The following LMCD1 variants were observed in gnomAD, a reference collection of about 807,000 sequenced individuals.
LMCD1 encodes the protein LIM and cysteine-rich domains protein 1.
Under a neutral mutation model 42.7 loss-of-function variants are expected in LMCD1, and 32 were observed. The ratio of observed to expected loss-of-function variants is 0.75; its 90% CI spans 0.57 to 1.01. The LOEUF is 1.01. Ranked by LOEUF, LMCD1 falls within the 50% of genes least tolerant of loss-of-function variation. The pLI is 0.00. For missense variants in LMCD1, 458 were observed against 483.1 expected, an observed-to-expected ratio of 0.95 and a Z score of 0.49; for synonymous variants, 178 against 184.9, an observed-to-expected ratio of 0.96 and a Z score of 0.30.
rs1695199755 is a variant in LMCD1, at chr3:8,570,658, C to T, written c.*3060C>T. On this transcript the variant is annotated 3_prime_UTR_variant, in exon 6 of 6. Transcript: ENST00000157600. ...ACATTTTCTGCTCAGACTGACAAGT[C>T]TCCCCGACGGGAACTCACCCTCTCC... is the stretch of plus-strand genomic sequence containing the variant. The T allele has an allele frequency of 6.6e-6, 1 of 152,312 alleles. No homozygotes were observed. Among genetic ancestry groups the T allele is most frequent in the Non-Finnish European group, 1.5e-5 (1 of 68,120 alleles). 9.4% of individuals were successfully genotyped at this position (152,312 alleles called of 1,614,324 possible).
rs949800375 is a variant in LMCD1, at chr3:8,572,054, G to T, written c.*4456G>T. The T allele has an allele frequency of 6.6e-6, 1 of 152,182 alleles. No homozygotes were observed. Among genetic ancestry groups the T allele is most frequent in the Non-Finnish European group, 1.5e-5 (1 of 68,032 alleles). The allele number at this position is 152,182 out of a possible 1,614,324, so 9.4% of individuals were successfully genotyped here. A position where few individuals can be genotyped will look rare whatever the true frequency, so the allele number is the denominator to read the frequency against. On this transcript the variant is annotated 3_prime_UTR_variant, in exon 6 of 6. Coordinates refer to ENST00000157600, the MANE Select transcript of LMCD1 (RefSeq NM_014583.4). ...TTTATAACAAAAACATTCAGTCTAA[G>T]ATCACTCATTCTATTTAGTTATCTT... is the stretch of plus-strand genomic sequence containing the variant.
chr3:8,504,918 T>G (rs756706684), intron 1 of LMCD1, among the ~76,000 whole-genome samples: 7 of 152,202 alleles, frequency 4.6e-5, no homozygotes, highest in Non-Finnish European at 8.8e-5. Context: ...CAGATCTGGT[T>G]TAAGTCCCAG....
intron 5 of LMCD1, among the ~76,000 whole-genome samples, chr3:8,566,608 GGTCA>G (rs1221899702): frequency 6.6e-6 from 1 of 152,090 alleles, no homozygotes; most frequent in Non-Finnish European, 1.5e-5. Context: ...GCTTACGGTG[GGTCA>G]GTAATTTGCT....
chr3:8,504,271 T>C (rs1234141815), intron 1 of LMCD1, among the ~76,000 whole-genome samples: 1 of 152,174 alleles, frequency 6.6e-6, no homozygotes, highest in East Asian at 1.9e-4. Flanking sequence ...CTACGTGATA[T>C]CAGCAACACG....
chr3:8,541,184 T>A (rs1694619383), intron 3 of LMCD1, among the ~76,000 whole-genome samples: 1 of 152,198 alleles, frequency 6.6e-6, no homozygotes, highest in African/African-American at 2.4e-5. Context: ...TCTTTCCTGA[T>A]ACAGGCAGAT....
intron 4 of LMCD1, among the ~76,000 whole-genome samples, chr3:8,556,968 C>G (rs531532195): frequency 6.6e-6 from 1 of 152,264 alleles, no homozygotes; most frequent in South Asian, 2.1e-4. Context: ...CCACCAACAC[C>G]AGGCTAAGGC....
intron 4 of LMCD1, among the ~76,000 whole-genome samples, chr3:8,553,684 G>C (rs1014984802): frequency 2.0e-5 from 3 of 152,216 alleles, no homozygotes; most frequent in African/African-American, 7.2e-5. Flanking sequence ...AGCTGTGGCT[G>C]TCCATGCCTA....
intron 4 of LMCD1, chr3:8,549,854 G>A (rs751010243): frequency 7.0e-6 from 5 of 716,024 alleles, no homozygotes; most frequent in South Asian, 2.9e-5. Context: ...GCTAACTCGG[G>A]TCTCTCTTCC....
chr3:8,502,305 ATATATAAAATATATAT>A lies in LMCD1; in HGVS notation c.42+332_42+347del, dbSNP rs1431383805. On this transcript the variant is annotated intron_variant, in intron 1 of 5. Transcript: ENST00000157600. The stretch of plus-strand genomic sequence containing the variant: ...ATATATATAATATATATTATATATA[ATATATAAAATATATAT>A]TATATATAATATATATTATATATAA... 1.8e-3 allele frequency among the ~76,000 whole-genome samples: 40 copies of A among 21,624 alleles called. 1 individual carries two copies. The highest frequency in any genetic ancestry group is 5.5e-3 in the South Asian group (6 of 1,094). The allele number at this position is 21,624 out of a possible 152,430, so 14.2% of individuals were successfully genotyped here.
chr3:8,572,294 T>C lies in LMCD1; in HGVS notation c.*4696T>C, dbSNP rs913206713. The C allele has an allele frequency of 1.3e-5, 2 of 152,258 alleles. No homozygotes were observed. Among genetic ancestry groups the C allele is most frequent in the Admixed American group, 6.5e-5 (1 of 15,290 alleles). The allele number at this position is 152,258 out of a possible 1,614,324, so 9.4% of individuals were successfully genotyped here. ...TTTCTTTCTGTTGCATCCAATCAGA[T>C]GATACAGGATTTTGATTTGTTCCAT... is the stretch of plus-strand genomic sequence containing the variant. On this transcript the variant is annotated 3_prime_UTR_variant, in exon 6 of 6. Coordinates refer to ENST00000157600, the MANE Select transcript of LMCD1 (RefSeq NM_014583.4).
intron 2 of LMCD1, among the ~76,000 whole-genome samples, chr3:8,536,859 C>T (rs1375399029): frequency 6.6e-6 from 1 of 152,210 alleles, no homozygotes; most frequent in Non-Finnish European, 1.5e-5. Flanking sequence ...ATGGGCCACA[C>T]AGACTCCAGC....
At chr3:8,566,053 G>C (rs1355011885) in intron 5 of LMCD1, among the ~76,000 whole-genome samples, 1 of 152,164 alleles carries the variant, frequency 6.6e-6, no homozygotes, top group African/African-American at 2.4e-5. Context: ...TGAGACCAGC[G>C]CCCATCCCAT....
chr3:8,506,675 G>A (rs1215412112), intron 1 of LMCD1, among the ~76,000 whole-genome samples: 1 of 152,184 alleles, frequency 6.6e-6, no homozygotes, highest in Admixed American at 6.5e-5. Context: ...ATAAGTAACA[G>A]ACCTTGAGAG....
chr3:8,552,679 G>T (rs1319093910), intron 4 of LMCD1, among the ~76,000 whole-genome samples: 1 of 152,212 alleles, frequency 6.6e-6, no homozygotes, highest in Non-Finnish European at 1.5e-5. Flanking sequence ...TGAGAGTCTA[G>T]ATGGTAACAT....
chr3:8,549,385 G>A (rs1257031978), intron 4 of LMCD1, among the ~76,000 whole-genome samples: 2 of 152,182 alleles, frequency 1.3e-5, no homozygotes, highest in East Asian at 3.9e-4. Context: ...TGCTTGGGGA[G>A]CTGGGGACAT....
At chr3:8,556,398 T>C (rs75649491) in intron 4 of LMCD1, among the ~76,000 whole-genome samples, 1 of 152,068 alleles carries the variant, frequency 6.6e-6, no homozygotes, top group African/African-American at 2.4e-5. Flanking sequence ...CTTTTTTTTT[T>C]CAGGAGTGTG....
At position 8,552,029 on chromosome 3, in the gene LMCD1, G is replaced by A. The variant is rs181800852; in HGVS notation, c.723+3126G>A. 1.5e-4 allele frequency among the ~76,000 whole-genome samples: 23 copies of A among 152,294 alleles called. 1 individual carries two copies. In the South Asian group the frequency reaches 2.9e-3, roughly 19 times the overall value. ...GAACAGAGATTAACGGGAGAAAAAC[G>A]AAGGGCAAAAAGAGACATGAACATA... On this transcript the variant is annotated intron_variant, in intron 4 of 5. Transcript: ENST00000157600.
chr3:8,538,507 C>T (rs1226169873), intron 3 of LMCD1, among the ~76,000 whole-genome samples: 1 of 152,172 alleles, frequency 6.6e-6, no homozygotes. Flanking sequence ...TCCATGGCTC[C>T]CATCACTGTG....
intron 3 of LMCD1, among the ~76,000 whole-genome samples, chr3:8,539,795 T>A (rs1453796625): frequency 3.6e-5 from 5 of 139,842 alleles, no homozygotes; most frequent in Admixed American, 7.2e-5. Context: ...TCCCAACATT[T>A]TTATTATTAT....
Sources: allele counts gnomAD v4.1 joint callset (sites outside exome capture counted in the v4.1 genomes callset), GRCh38; gene constraint gnomAD v4.1.1; transcripts MANE v1.5; gene names NCBI Gene and HGNC (gene_info 2026-07-23, HGNC 2026-07-21).